Variants in CSMD1 observed in about 807,000 individuals in gnomAD.
CSMD1 encodes the protein CUB and sushi domain-containing protein 1.
In CSMD1, 213 loss-of-function variants were observed where a neutral mutation model predicts 417.5. The ratio of observed to expected loss-of-function variants is 0.51; its 90% CI spans 0.46 to 0.57. The LOEUF is 0.57. Ranked by LOEUF, CSMD1 falls within the 20% of genes least tolerant of loss-of-function variation. CSMD1 has a pLI of 0.00. For missense variants in CSMD1, 6,923 were observed against 4,529.7 expected, an observed-to-expected ratio of 1.53 and a Z score of -15.17; for synonymous variants, 2,862 against 1,736.8, an observed-to-expected ratio of 1.65 and a Z score of -16.11.
intron 3 of CSMD1, among the ~76,000 whole-genome samples, chr8:4,337,614 T>G (rs1261131744): frequency 6.6e-6 from 1 of 152,160 alleles, no homozygotes; most frequent in Non-Finnish European, 1.5e-5. Context: ...AGTAAATATT[T>G]TAGACAAGTG....
intron 2 of CSMD1, among the ~76,000 whole-genome samples, chr8:4,457,989 C>G (rs1056713535): frequency 6.6e-6 from 1 of 152,140 alleles, no homozygotes; most frequent in African/African-American, 2.4e-5. Context: ...GTGGCACTTC[C>G]CCTGAGAGGT....
chr8:4,659,093 A>C (rs537853419), intron 1 of CSMD1, among the ~76,000 whole-genome samples: 1 of 152,176 alleles, frequency 6.6e-6, no homozygotes, highest in Non-Finnish European at 1.5e-5. Flanking sequence ...CATACAAATA[A>C]AATAACCGAT....
At chr8:4,886,566 A>C (rs74556446) in intron 1 of CSMD1, among the ~76,000 whole-genome samples, 3,522 of 151,966 alleles carry the variant, frequency 0.023, 53 homozygotes, top group Non-Finnish European at 0.036. Context: ...GTGTGGATAT[A>C]TTTACATTAG....
At chr8:4,293,950 C>G (rs772642511) in intron 3 of CSMD1, among the ~76,000 whole-genome samples, 9 of 151,862 alleles carry the variant, frequency 5.9e-5, no homozygotes, top group Non-Finnish European at 3.0e-5. Flanking sequence ...TAAACACTTT[C>G]TACAAGTTCT....
intron 1 of CSMD1, among the ~76,000 whole-genome samples, chr8:4,946,607 A>C (rs1316015230): frequency 6.6e-6 from 1 of 152,214 alleles, no homozygotes; most frequent in Non-Finnish European, 1.5e-5. Flanking sequence ...CTTATGTCTA[A>C]GGAAGGAGGT....
chr8:4,405,352 A>G (rs1437868092), intron 3 of CSMD1, among the ~76,000 whole-genome samples: 1 of 152,122 alleles, frequency 6.6e-6, no homozygotes, highest in Non-Finnish European at 1.5e-5. Flanking sequence ...ATTTCCTAAG[A>G]ATAGAAATGG....
At chr8:3,252,521 C>A (rs993137533) in intron 26 of CSMD1, among the ~76,000 whole-genome samples, 1 of 152,092 alleles carries the variant, frequency 6.6e-6, no homozygotes, top group Non-Finnish European at 1.5e-5. Context: ...GTCTAAAATT[C>A]TCTTTTTTTG....
At chr8:3,904,639 CTTTTTT>C (rs11395103) in intron 5 of CSMD1, among the ~76,000 whole-genome samples, 1 of 133,134 alleles carries the variant, frequency 7.5e-6, no homozygotes, top group African/African-American at 2.9e-5. Context: ...CGTTTTCTTT[CTTTTTT>C]TTTTTTTTTG....
chr8:3,429,173 G>T (rs912717015), intron 12 of CSMD1, among the ~76,000 whole-genome samples: 1 of 152,160 alleles, frequency 6.6e-6, no homozygotes, highest in Admixed American at 6.5e-5. Context: ...AAAATAGCTA[G>T]AAGAGAGGAT....
In CSMD1 at chr8:4,726,062, C is replaced by G. The variant is rs958504723; in HGVS notation, c.86-88504G>C. 2.6e-5 allele frequency among the ~76,000 whole-genome samples: 4 copies of G among 152,252 alleles called. No homozygotes were observed. The East Asian group carries it at 7.7e-4, about 29-fold the overall frequency. ...GTGTGAGTTCACATCGTGGACAGTTCAAGCCACTGACAAATGATCCGTGAT... is the reference window on the plus strand; with the variant it reads ...GTGTGAGTTCACATCGTGGACAGTTGAAGCCACTGACAAATGATCCGTGAT... On this transcript the variant is annotated intron_variant, in intron 1 of 69. Transcript: ENST00000635120.
chr8:4,382,772 C>G (rs1584989316), intron 3 of CSMD1, among the ~76,000 whole-genome samples: 1 of 152,232 alleles, frequency 6.6e-6, no homozygotes, highest in South Asian at 2.1e-4. Flanking sequence ...AAAAGAAACA[C>G]AAAATAATAA....
intron 15 of CSMD1, among the ~76,000 whole-genome samples, chr8:3,402,022 A>G (rs994956952): frequency 6.6e-6 from 1 of 152,064 alleles, no homozygotes; most frequent in African/African-American, 2.4e-5. Flanking sequence ...TAAAATACAC[A>G]CACACACATA....
At chr8:3,466,802 G>C (rs900939773) in intron 12 of CSMD1, among the ~76,000 whole-genome samples, 1 of 152,002 alleles carries the variant, frequency 6.6e-6, no homozygotes, top group African/African-American at 2.4e-5. Flanking sequence ...TACGCATAAA[G>C]GTCACTTTTA....
intron 3 of CSMD1, among the ~76,000 whole-genome samples, chr8:4,099,429 C>T (rs1330653158): frequency 2.0e-5 from 3 of 152,090 alleles, no homozygotes; most frequent in African/African-American, 4.8e-5. Context: ...GCAATGCCAC[C>T]ACTCAGTTCT....
chr8:4,165,584 G>A (rs1208091995), intron 3 of CSMD1, among the ~76,000 whole-genome samples: 1 of 152,140 alleles, frequency 6.6e-6, no homozygotes, highest in Admixed American at 6.5e-5. Flanking sequence ...AAAGTTATTT[G>A]TAGAGACATG....
At chr8:3,108,508 A>G (rs1379322451) in intron 44 of CSMD1, 95 bp downstream of exon 44, 3 of 1,330,428 alleles carry the variant, frequency 2.3e-6, no homozygotes, top group Non-Finnish European at 3.1e-6. Flanking sequence ...CGGCTGAATC[A>G]AGAAACTTCA....
intron 3 of CSMD1, among the ~76,000 whole-genome samples, chr8:4,414,028 C>A (rs1469194795): frequency 6.6e-6 from 1 of 151,906 alleles, no homozygotes; most frequent in African/African-American, 2.4e-5. Context: ...TGTGCTAGCA[C>A]GTTCTTGAAA....
At chr8:3,444,106 C>T (rs138485701) in intron 12 of CSMD1, among the ~76,000 whole-genome samples, 12 of 152,198 alleles carry the variant, frequency 7.9e-5, no homozygotes, top group East Asian at 1.9e-4. Flanking sequence ...CACTCCCTAT[C>T]GAGTGAAAGG....
chr8:4,736,878 G>C (rs551310995), intron 1 of CSMD1, among the ~76,000 whole-genome samples: 1 of 152,212 alleles, frequency 6.6e-6, no homozygotes, highest in South Asian at 2.1e-4. Context: ...TGGTATGTAA[G>C]CGTTCAGTAA....
Sources: allele counts gnomAD v4.1 joint callset (sites outside exome capture counted in the v4.1 genomes callset), GRCh38; gene constraint gnomAD v4.1.1; transcripts MANE v1.5; gene names NCBI Gene and HGNC (gene_info 2026-07-23, HGNC 2026-07-21).